The following CHSY3 variants were observed in gnomAD, a reference collection of about 807,000 sequenced individuals.
The protein encoded by CHSY3 is chondroitin sulfate synthase 3, also known as N-acetylgalactosaminyl-proteoglycan 3-beta-glucuronosyltransferase 3.
CHSY3 carries 35 observed loss-of-function variants against 67.2 expected under a neutral mutation model. That is an observed-to-expected ratio of 0.52 (90% CI 0.40 to 0.69). The LOEUF is 0.69. Ranked by LOEUF, CHSY3 falls within the 30% of genes least tolerant of loss-of-function variation. The probability of loss-of-function intolerance (pLI) is 0.00; values close to 1 mark genes in which losing one functional copy is unlikely to be tolerated. For missense variants in CHSY3, 1,069 were observed against 1,138.5 expected (o/e 0.94, Z 0.88); for synonymous variants, 474 against 434.7 (o/e 1.09, Z -1.12).
chr5:130,033,430 C>A (rs1479317902), intron 2 of CHSY3, among the ~76,000 whole-genome samples: 2 of 152,148 alleles, frequency 1.3e-5, no homozygotes, highest in African/African-American at 4.8e-5. Flanking sequence ...AGAAGAGATA[C>A]TGTTGGGGTC....
At chr5:130,013,227 C>T (rs1256260883) in intron 2 of CHSY3, among the ~76,000 whole-genome samples, 1 of 152,186 alleles carries the variant, frequency 6.6e-6, no homozygotes, top group African/African-American at 2.4e-5. Flanking sequence ...GCTGCTTTCA[C>T]AGGCTGGCAT....
chr5:130,111,911 G>T (rs188571907), intron 2 of CHSY3, among the ~76,000 whole-genome samples: 4 of 152,218 alleles, frequency 2.6e-5, no homozygotes, highest in Non-Finnish European at 4.4e-5. Context: ...TTCAGGCAGG[G>T]TTTTAAGTGG....
intron 2 of CHSY3, among the ~76,000 whole-genome samples, chr5:129,999,953 A>G (rs1412400761): frequency 1.3e-5 from 2 of 152,122 alleles, no homozygotes; most frequent in African/African-American, 4.8e-5. Flanking sequence ...CATCCCATTT[A>G]TCTTCCCTCA....
intron 2 of CHSY3, among the ~76,000 whole-genome samples, chr5:130,129,131 A>G (rs542565839): frequency 2.0e-5 from 3 of 152,250 alleles, no homozygotes; most frequent in South Asian, 4.1e-4. Flanking sequence ...CAATTTGTGG[A>G]TGGTGTACAA....
chr5:129,965,986 T>G (rs183786789), intron 2 of CHSY3, among the ~76,000 whole-genome samples: 33 of 152,004 alleles, frequency 2.2e-4, no homozygotes, highest in Admixed American at 5.9e-4. Context: ...CAGACACATA[T>G]TTTGGTGAGG....
intron 2 of CHSY3, among the ~76,000 whole-genome samples, chr5:130,098,086 A>G (rs1767110468): frequency 1.3e-5 from 2 of 152,166 alleles, no homozygotes; most frequent in South Asian, 4.1e-4. Flanking sequence ...TGGAAAAAAA[A>G]GCCTACAAAA....
intron 2 of CHSY3, among the ~76,000 whole-genome samples, chr5:130,125,900 T>C (rs995609800): frequency 1.3e-5 from 2 of 152,180 alleles, no homozygotes; most frequent in Non-Finnish European, 2.9e-5. Context: ...TCCTTTCCAC[T>C]CCATAATAAA....
Position 130,143,730 on chromosome 5 carries a change from G to GTATATATATATATATATA in CHSY3, c.1087-40498_1087-40497insATATATATATATATATAT, listed in dbSNP as rs1285066017. On this transcript the variant is annotated intron_variant, in intron 2 of 2. Transcript: ENST00000305031. ...AGGGTATATATATATATGTGTGTGT[G>GTATATATATATATATATA]TGTGTATATATATATATATATATAT... is the stretch of plus-strand genomic sequence containing the variant. Among the ~76,000 whole-genome samples, 295 of 104,492 alleles carry GTATATATATATATATATA rather than the reference G, an allele frequency of 2.8e-3. 23 individuals carry two copies. Among genetic ancestry groups the GTATATATATATATATATA allele is most frequent in the African/African-American group, 0.011 (271 of 24,324 alleles). 68.6% of individuals were successfully genotyped at this position (104,492 alleles called of 152,430 possible).
chr5:130,183,233 A>G (rs557873714), intron 2 of CHSY3, among the ~76,000 whole-genome samples: 1 of 152,210 alleles, frequency 6.6e-6, no homozygotes, highest in South Asian at 2.1e-4. Flanking sequence ...CTTTGTCCTC[A>G]TAACTACATA....
rs182146611 is a variant in CHSY3, at chr5:129,906,736, G to C, written c.802+1105G>C. Reference sequence around the variant, plus strand: ...TTCTCTGTGTTTTCCACATTTCCTTGCTTCCCGGTCAAAGGGGGGCAGCCC... The same window carrying C: ...TTCTCTGTGTTTTCCACATTTCCTTCCTTCCCGGTCAAAGGGGGGCAGCCC... On this transcript the variant is annotated intron_variant, in intron 1 of 2. Coordinates refer to ENST00000305031, the MANE Select transcript of CHSY3 (RefSeq NM_175856.5). 4.6e-4 allele frequency among the ~76,000 whole-genome samples: 70 copies of C among 152,290 alleles called. 1 individual carries two copies. The East Asian group carries it at 9.3e-3, about 20-fold the overall frequency.
At chr5:130,073,992 C>A (rs1230395640) in intron 2 of CHSY3, among the ~76,000 whole-genome samples, 1 of 152,102 alleles carries the variant, frequency 6.6e-6, no homozygotes, top group Non-Finnish European at 1.5e-5. Context: ...TTTTTCTTTT[C>A]TTTTCTGTGT....
At chr5:130,061,247 A>G (rs149570776) in intron 2 of CHSY3, among the ~76,000 whole-genome samples, 2 of 152,322 alleles carry the variant, frequency 1.3e-5, no homozygotes, top group African/African-American at 4.8e-5. Flanking sequence ...GAGAACCCAG[A>G]TACAAAGCCA....
intron 2 of CHSY3, among the ~76,000 whole-genome samples, chr5:129,930,111 A>G (rs1428215660): frequency 6.6e-6 from 1 of 152,176 alleles, no homozygotes; most frequent in Non-Finnish European, 1.5e-5. Flanking sequence ...AGGCAGGCAG[A>G]TCACCTGAGA....
intron 2 of CHSY3, among the ~76,000 whole-genome samples, chr5:130,132,656 C>G (rs908748068): frequency 2.0e-5 from 3 of 152,132 alleles, no homozygotes; most frequent in African/African-American, 7.2e-5. Context: ...ATACAGATAG[C>G]CCAGTGGTTC....
At chr5:130,100,213 G>T (rs557289540) in intron 2 of CHSY3, among the ~76,000 whole-genome samples, 1 of 151,902 alleles carries the variant, frequency 6.6e-6, no homozygotes, top group East Asian at 1.9e-4. Flanking sequence ...GACGAGTCTC[G>T]CTCTGTCGCC....
At chr5:130,057,217 C>A (rs1211522133) in intron 2 of CHSY3, among the ~76,000 whole-genome samples, 2 of 151,940 alleles carry the variant, frequency 1.3e-5, no homozygotes, top group South Asian at 2.1e-4. Context: ...AGCCACCGCA[C>A]CCAGCCATAT....
At position 130,082,095 on chromosome 5, in the gene CHSY3, T is replaced by C. The variant is rs73245433; in HGVS notation, c.1087-102134T>C. ...TGGTGTGCACATTATGGGAGTACAA[T>C]GAAAAAATTACGTTTCCCATCTGAA... On this transcript the variant is annotated intron_variant, in intron 2 of 2. Transcript: ENST00000305031. Among the ~76,000 whole-genome samples, 1,518 of 152,090 alleles carry C rather than the reference T, an allele frequency of 1.0e-2. 25 individuals are homozygous for C. The highest frequency in any genetic ancestry group is 0.035 in the African/African-American group (1,443 of 41,534).
chr5:130,041,347 A>C (rs1765002086), intron 2 of CHSY3, among the ~76,000 whole-genome samples: 1 of 152,130 alleles, frequency 6.6e-6, no homozygotes, highest in Admixed American at 6.6e-5. Flanking sequence ...CTCTGTTCCA[A>C]GAGAGTGCTA....
intron 2 of CHSY3, among the ~76,000 whole-genome samples, chr5:130,094,549 G>A (rs979520697): frequency 1.3e-5 from 2 of 152,134 alleles, no homozygotes; most frequent in Non-Finnish European, 1.5e-5. Flanking sequence ...TTCTTATACA[G>A]GGGTAGCACA....
Sources: allele counts gnomAD v4.1 joint callset (sites outside exome capture counted in the v4.1 genomes callset), GRCh38; gene constraint gnomAD v4.1.1; transcripts MANE v1.5; gene names NCBI Gene and HGNC (gene_info 2026-07-23, HGNC 2026-07-21).